Variants in CDK14 observed in about 807,000 individuals in gnomAD.
The protein encoded by CDK14 is cyclin dependent kinase 14, also known as cyclin-dependent kinase 14.
A neutral mutation model predicts 60.7 loss-of-function variants in CDK14; 34 were observed. That is an observed-to-expected ratio of 0.56 (90% confidence interval 0.43 to 0.75). CDK14 has a LOEUF of 0.75. CDK14 is among the 30% of genes least tolerant of loss of function. The pLI, the probability that CDK14 is intolerant of heterozygous loss-of-function variation, is 0.00. For synonymous variants in CDK14, 197 were observed against 203.7 expected (o/e 0.97, Z 0.28); for missense variants, 482 against 564.1 (o/e 0.85, Z 1.47).
At chr7:90,810,721 C>G (rs62468461) in intron 5 of CDK14, among the ~76,000 whole-genome samples, 2 of 151,812 alleles carry the variant, frequency 1.3e-5, no homozygotes, top group Non-Finnish European at 2.9e-5. Context: ...AAAACCCCAT[C>G]GTCTCAGCCC....
At chr7:90,996,816 T>C (rs1649832445) in intron 10 of CDK14, among the ~76,000 whole-genome samples, 1 of 152,226 alleles carries the variant, frequency 6.6e-6, no homozygotes, top group African/African-American at 2.4e-5. Flanking sequence ...TTTGAATAAC[T>C]CTAGACATGA....
chr7:90,612,254 C>T (rs1167385779), intron 2 of CDK14, among the ~76,000 whole-genome samples: 1 of 152,148 alleles, frequency 6.6e-6, no homozygotes, highest in African/African-American at 2.4e-5. Context: ...ATCACTGCTC[C>T]ATCTTATTCC....
intron 8 of CDK14, among the ~76,000 whole-genome samples, chr7:90,944,057 A>G (rs1214701342): frequency 6.6e-6 from 1 of 152,168 alleles, no homozygotes; most frequent in Non-Finnish European, 1.5e-5. Context: ...GAGGTTGCCC[A>G]TCATGTTTTG....
chr7:90,856,377 A>AT (rs950391732), intron 5 of CDK14, among the ~76,000 whole-genome samples: 1 of 151,932 alleles, frequency 6.6e-6, no homozygotes. Context: ...CTATTCCTCT[A>AT]TTTTTTCATT....
chr7:91,056,940 G>A (rs983814387), intron 11 of CDK14, among the ~76,000 whole-genome samples: 1 of 151,958 alleles, frequency 6.6e-6, no homozygotes, highest in Non-Finnish European at 1.5e-5. Flanking sequence ...GGGATGGCTG[G>A]GTCAAATGGT....
chr7:90,650,019 T>C (rs1800596545), intron 2 of CDK14, among the ~76,000 whole-genome samples: 1 of 152,186 alleles, frequency 6.6e-6, no homozygotes, highest in South Asian at 2.1e-4. Context: ...TTCTAGATCC[T>C]TGAGGAATCA....
chr7:90,736,757 C>G (rs900045250), intron 3 of CDK14, among the ~76,000 whole-genome samples: 1 of 152,076 alleles, frequency 6.6e-6, no homozygotes, highest in African/African-American at 2.4e-5. Flanking sequence ...ATGAGGAAAG[C>G]ATTGTTTTTT....
At chr7:90,707,492 G>A (rs1373417821) in intron 2 of CDK14, among the ~76,000 whole-genome samples, 1 of 151,934 alleles carries the variant, frequency 6.6e-6, no homozygotes, top group African/African-American at 2.4e-5. Context: ...TTACCCTGTC[G>A]TAAGATGAAA....
intron 2 of CDK14, among the ~76,000 whole-genome samples, chr7:90,617,287 C>T (rs1300890604): frequency 1.3e-5 from 2 of 151,838 alleles, no homozygotes; most frequent in African/African-American, 2.4e-5. Flanking sequence ...GTGGTTTAAT[C>T]TAGTATTCTA....
At chr7:91,112,823 GT>G in intron 13 of CDK14, 142 bp downstream of exon 13, 1 of 266,980 alleles carries the variant, frequency 3.7e-6, no homozygotes, top group Non-Finnish European at 6.4e-6. Flanking sequence ...TGCATTACAG[GT>G]GTGTGTGTGT....
At chr7:91,064,439 G>A (rs1464308096) in intron 11 of CDK14, among the ~76,000 whole-genome samples, 1 of 152,180 alleles carries the variant, frequency 6.6e-6, no homozygotes, top group Non-Finnish European at 1.5e-5. Context: ...ATTTCACCAT[G>A]TAAAAAATGG....
At chr7:90,596,802 A>C in intron 1 of CDK14, 84 bp downstream of exon 1, 6 of 1,177,048 alleles carry the variant, frequency 5.1e-6, no homozygotes, top group Non-Finnish European at 7.5e-6. Context: ...CCAGCCATGC[A>C]GCTGCCAGCG....
At chr7:90,735,689 C>A (rs752255292) in intron 3 of CDK14, among the ~76,000 whole-genome samples, 2 of 152,194 alleles carry the variant, frequency 1.3e-5, no homozygotes, top group Admixed American at 6.5e-5. Flanking sequence ...CTAGCTTAAG[C>A]GTCCCAGGTC....
At chr7:91,024,662 A>G (rs1270336209) in intron 10 of CDK14, among the ~76,000 whole-genome samples, 6 of 152,082 alleles carry the variant, frequency 3.9e-5, no homozygotes, top group African/African-American at 1.4e-4. Flanking sequence ...AAAATAAATA[A>G]CTAAACAAGT....
intron 14 of CDK14, among the ~76,000 whole-genome samples, chr7:91,158,454 C>T (rs955388303): frequency 2.0e-5 from 3 of 152,098 alleles, no homozygotes; most frequent in East Asian, 3.9e-4. Flanking sequence ...GCAGCTCAAG[C>T]GATCTGCCTG....
At chr7:90,835,137 C>CA (rs1790050556) in intron 5 of CDK14, among the ~76,000 whole-genome samples, 1 of 152,044 alleles carries the variant, frequency 6.6e-6, no homozygotes, top group African/African-American at 2.4e-5. Flanking sequence ...AATAATCTGT[C>CA]AGAGGTTTTT....
chr7:90,971,054 T>G (rs1318600420), intron 9 of CDK14, among the ~76,000 whole-genome samples: 1 of 152,042 alleles, frequency 6.6e-6, no homozygotes, highest in Non-Finnish European at 1.5e-5. Context: ...GTGTATCTCC[T>G]AATGCCATCC....
chr7:91,024,395 G>A (rs1459754206), intron 10 of CDK14, among the ~76,000 whole-genome samples: 1 of 152,106 alleles, frequency 6.6e-6, no homozygotes, highest in Non-Finnish European at 1.5e-5. Context: ...GCTCATGCCT[G>A]TAATCCCAGC....
chr7:90,750,490 A>G (rs1803793454), intron 4 of CDK14, among the ~76,000 whole-genome samples: 1 of 152,238 alleles, frequency 6.6e-6, no homozygotes, highest in Admixed American at 6.5e-5. Context: ...AAACTTCTAA[A>G]TCAATCCAGG....
Sources: gnomAD v4.1 joint callset for allele counts (sites outside exome capture counted in the v4.1 genomes callset) on GRCh38, gnomAD v4.1.1 for gene constraint, MANE v1.5 for transcripts, NCBI Gene and HGNC (gene_info 2026-07-23, HGNC 2026-07-21) for gene names.